Variants in TEX2 observed in about 807,000 individuals in gnomAD.
The protein encoded by TEX2 is testis-expressed protein 2.
A neutral mutation model predicts 106.9 loss-of-function variants in TEX2; 53 were observed. The observed-to-expected ratio is 0.50, with a 90% CI of 0.40 to 0.62. The LOEUF (loss-of-function observed/expected upper bound fraction) is 0.62. Among genes scored for constraint, TEX2 ranks in the 20% least tolerant of loss-of-function variants. The pLI, the probability that TEX2 is intolerant of heterozygous loss-of-function variation, is 0.00. For missense variants in TEX2, 1,207 were observed against 1,379.0 expected, an observed-to-expected ratio of 0.88 and a Z score of 1.98; for synonymous variants, 523 against 534.8, an observed-to-expected ratio of 0.98 and a Z score of 0.30.
At chr17:64,203,981 A>C (rs2032752494) in intron 2 of TEX2, among the ~76,000 whole-genome samples, 1 of 152,268 alleles carries the variant, frequency 6.6e-6, no homozygotes, top group South Asian at 2.1e-4. Flanking sequence ...GTAATAGAAT[A>C]GGAGATAACG....
chr17:64,181,839 T>TTA (rs879667172), intron 5 of TEX2, among the ~76,000 whole-genome samples: 1 of 150,800 alleles, frequency 6.6e-6, no homozygotes, highest in Non-Finnish European at 1.5e-5. Flanking sequence ...TTTTTTTTTT[T>TTA]ACAGTTTTAC....
chr17:64,251,693 G>C (rs2034095662), intron 1 of TEX2, among the ~76,000 whole-genome samples: 1 of 152,170 alleles, frequency 6.6e-6, no homozygotes, highest in Non-Finnish European at 1.5e-5. Context: ...AGAGAGAAGG[G>C]GGAAGCCTCC....
At chr17:64,259,333 C>T (rs1327693173) in intron 1 of TEX2, among the ~76,000 whole-genome samples, 10 of 152,140 alleles carry the variant, frequency 6.6e-5, no homozygotes, top group African/African-American at 1.9e-4. Flanking sequence ...AGTGTAATTA[C>T]GCATTATAAA....
chr17:64,188,340 C>T lies in TEX2; in HGVS notation c.2252G>A (p.Ser751Asn). Residue 751 changes from serine to asparagine, a missense_variant, in exon 5 of 12, where the codon AGT (serine) becomes AAT (asparagine). Around this residue, in one of 3 missense-constraint regions of TEX2, gnomAD observed 1,067 missense variants for 1,193.6 expected, o/e 0.89. Coordinates refer to ENST00000584379, the MANE Select transcript of TEX2 (RefSeq NM_001288732.2). ...TGGCTGTGACATGATCTCCTCCACA[C>T]TGCCTTTGCTGCTGCTGCGGCTGTG... The part of the protein sequence containing the change: ...LTHSRSSSKG[S>N]VEEIMSQPKQ... 6.2e-7 allele frequency: 1 copy of T among 1,614,232 alleles called. No homozygotes were observed.
At chr17:64,241,726 T>C (rs2033893044) in intron 1 of TEX2, among the ~76,000 whole-genome samples, 2 of 152,128 alleles carry the variant, frequency 1.3e-5, no homozygotes, top group South Asian at 4.1e-4. Context: ...CTCGAACTCC[T>C]GGGCTCAAGC....
chr17:64,170,917 A>G (rs1355836546), intron 7 of TEX2, among the ~76,000 whole-genome samples, 183 bp downstream of exon 7: 1 of 152,140 alleles, frequency 6.6e-6, no homozygotes, highest in African/African-American at 2.4e-5. Context: ...TTACAGGCGT[A>G]AGCCACCATG....
chr17:64,246,370 T>C (rs2033987992), intron 1 of TEX2, among the ~76,000 whole-genome samples: 1 of 152,130 alleles, frequency 6.6e-6, no homozygotes, highest in African/African-American at 2.4e-5. Context: ...CTCAGCCTCC[T>C]GAGTAGCTGT....
At chr17:64,193,182 G>A (rs746312267) in intron 4 of TEX2, among the ~76,000 whole-genome samples, 4 of 152,276 alleles carry the variant, frequency 2.6e-5, no homozygotes, top group South Asian at 2.1e-4. Context: ...GCTCAGGCTC[G>A]GAAGACATAT....
At chr17:64,229,597 C>G (rs2033606715) in intron 1 of TEX2, among the ~76,000 whole-genome samples, 1 of 151,982 alleles carries the variant, frequency 6.6e-6, no homozygotes, top group Admixed American at 6.6e-5. Context: ...CCTGATGAAG[C>G]CTTCCCATTC....
chr17:64,163,705 G>A (rs1021702453), intron 7 of TEX2, among the ~76,000 whole-genome samples: 8 of 152,184 alleles, frequency 5.3e-5, no homozygotes, highest in Non-Finnish European at 1.2e-4. Flanking sequence ...TTGCAAGACT[G>A]AAAGATGAAA....
intron 8 of TEX2, among the ~76,000 whole-genome samples, chr17:64,157,715 C>A (rs2030696524): frequency 6.6e-6 from 1 of 152,226 alleles, no homozygotes; most frequent in African/African-American, 2.4e-5. Flanking sequence ...GCATACACAC[C>A]CACAAACTAG....
chr17:64,227,924 G>A (rs1176361395), intron 1 of TEX2, among the ~76,000 whole-genome samples: 1 of 152,168 alleles, frequency 6.6e-6, no homozygotes, highest in Admixed American at 6.5e-5. Context: ...TCAAATCAAA[G>A]ATTATTTCAT....
intron 3 of TEX2, 23 bp downstream of exon 3, chr17:64,194,872 C>T (rs752299574): frequency 1.9e-6 from 3 of 1,610,760 alleles, no homozygotes; most frequent in Non-Finnish European, 2.5e-6. Flanking sequence ...CTAAGCTATC[C>T]TTCCAAAATT....
intron 6 of TEX2, among the ~76,000 whole-genome samples, chr17:64,173,473 T>G (rs1044753727): frequency 2.0e-5 from 3 of 152,200 alleles, no homozygotes; most frequent in Non-Finnish European, 2.9e-5. Context: ...GCTGTTTCCC[T>G]GCAGAGAAAC....
chr17:64,184,583 C>T (rs577324410), intron 5 of TEX2, among the ~76,000 whole-genome samples: 90 of 152,306 alleles, frequency 5.9e-4, no homozygotes, highest in African/African-American at 2.1e-3. Flanking sequence ...GTTGGCAGCA[C>T]AAAAGTTTCT....
At chr17:64,204,400 TC>T (rs2032764193) in intron 2 of TEX2, among the ~76,000 whole-genome samples, 1 of 152,342 alleles carries the variant, frequency 6.6e-6, no homozygotes, top group South Asian at 2.1e-4. Flanking sequence ...CTGTTGATGA[TC>T]CTGAGTGTAA....
In TEX2 at chr17:64,213,843, T is replaced by C. The variant is rs2033102526; in HGVS notation, c.375A>G (p.Gln125=). The change falls in exon 2 of 12, where the codon CAA becomes CAG. Residue 125 remains glutamine, a synonymous_variant. Coordinates refer to ENST00000584379, the MANE Select transcript of TEX2 (RefSeq NM_001288732.2). The surrounding 1 kb of genome is among the most constrained non-coding windows in gnomAD (Gnocchi z 4.4). ...KLLESPVPAA[Q]VLSTVPLAVS... is the part of the protein sequence containing the mutation. ...CAGCCAATGGCACTGTACTTAATACTTGTGCTGCTGGAACAGGGGACTCCA... is the reference window on the plus strand; with the variant it reads ...CAGCCAATGGCACTGTACTTAATACCTGTGCTGCTGGAACAGGGGACTCCA... 56 of 1,614,074 alleles carry C rather than the reference T, an allele frequency of 3.5e-5. No individual in the cohort carries two copies. The highest frequency in any genetic ancestry group is 3.3e-4 in the Middle Eastern group (2 of 6,084).
rs534689541 is a variant in TEX2, at chr17:64,185,183, C to T, written c.2424+2985G>A. On this transcript the variant is annotated intron_variant, in intron 5 of 11. Coordinates refer to ENST00000584379, the MANE Select transcript of TEX2 (RefSeq NM_001288732.2). The surrounding 1 kb of genome is among the most constrained non-coding windows in gnomAD (Gnocchi z 4.0). ...GTAATAAGGACAGGACTCTCCATAC[C>T]GGGGTGGCATATGTTAATATTATCT... Among the ~76,000 whole-genome samples the T allele has an allele frequency of 1.8e-4, 27 of 152,208 alleles. No homozygotes were observed. The South Asian group carries it at 3.5e-3, about 20-fold the overall frequency.
rs762094685 is a variant in TEX2 at position 64,148,944 on chromosome 17, T to G, written c.*25A>C. The G allele has an allele frequency of 1.2e-6, 2 of 1,613,662 alleles. No homozygotes were observed. Among genetic ancestry groups the G allele is most frequent in the Non-Finnish European group, 1.7e-6 (2 of 1,179,832 alleles). On this transcript the variant is annotated 3_prime_UTR_variant, in exon 12 of 12. Coordinates refer to ENST00000584379, the MANE Select transcript of TEX2 (RefSeq NM_001288732.2). ...CCACACATCCAGCTCGATGTCACAA[T>G]ATGGGGAACATCTGACATCACCCAT...
Sources: gnomAD v4.1 joint callset for allele counts (sites outside exome capture counted in the v4.1 genomes callset) on GRCh38, gnomAD v4.1.1 for gene constraint, gnomAD v4.1.1 regional missense constraint, Gnocchi (gnomAD v3.1) non-coding constraint, MANE v1.5 for transcripts, NCBI Gene and HGNC (gene_info 2026-07-23, HGNC 2026-07-21) for gene names.